The following KCNH1 variants were observed in gnomAD, a reference collection of about 807,000 sequenced individuals.
KCNH1 encodes voltage-gated delayed rectifier potassium channel KCNH1.
In KCNH1, 27 loss-of-function variants were observed where a neutral mutation model predicts 69.2. The ratio of observed to expected loss-of-function variants is 0.39; its 90% CI spans 0.29 to 0.54. The LOEUF is 0.54. KCNH1 is among the 20% of genes least tolerant of loss of function. The probability of loss-of-function intolerance (pLI) is 0.68; values close to 1 mark genes in which losing one functional copy is unlikely to be tolerated. For missense variants in KCNH1, 798 were observed against 1,261.6 expected (o/e 0.63, Z 5.57); for synonymous variants, 456 against 487.7 (o/e 0.93, Z 0.86).
intron 3 of KCNH1, 110 bp from the exon 4 acceptor site, chr1:211,090,800 G>A (rs112147851): frequency 8.8e-6 from 9 of 1,018,846 alleles, no homozygotes; most frequent in Non-Finnish European, 1.3e-5. Flanking sequence ...TTTTTTAAAT[G>A]GTCTTATTAA....
chr1:211,002,338 G>GTATA (rs112118983), intron 6 of KCNH1, among the ~76,000 whole-genome samples: 3 of 87,832 alleles, frequency 3.4e-5, no homozygotes, highest in East Asian at 2.2e-4. Flanking sequence ...GTGTGTGTGT[G>GTATA]TATATATATA....
intron 7 of KCNH1, among the ~76,000 whole-genome samples, chr1:210,810,606 C>A (rs556509603): frequency 1.4e-4 from 22 of 152,110 alleles, no homozygotes; most frequent in African/African-American, 5.1e-4. Flanking sequence ...AGCTTTTGCT[C>A]TTTTATTGAA....
At chr1:210,764,379 A>G (rs183068609) in intron 10 of KCNH1, among the ~76,000 whole-genome samples, 1 of 152,328 alleles carries the variant, frequency 6.6e-6, no homozygotes, top group East Asian at 1.9e-4. Context: ...GGGTCTAATT[A>G]AATGAAAGAG....
At chr1:210,946,422 T>A (rs1464142115) in intron 6 of KCNH1, among the ~76,000 whole-genome samples, 1 of 152,106 alleles carries the variant, frequency 6.6e-6, no homozygotes, top group African/African-American at 2.4e-5. Flanking sequence ...CCTTTCCCAT[T>A]TGCTTTACTC....
At chr1:210,903,007 A>T (rs903313304) in intron 7 of KCNH1, among the ~76,000 whole-genome samples, 6 of 152,080 alleles carry the variant, frequency 3.9e-5, no homozygotes, top group African/African-American at 1.4e-4. Context: ...TTTTGCTTTG[A>T]TTGTAGCTAG....
chr1:210,986,630 G>T (rs983541964), intron 6 of KCNH1, among the ~76,000 whole-genome samples: 1 of 152,164 alleles, frequency 6.6e-6, no homozygotes, highest in African/African-American at 2.4e-5. Flanking sequence ...CTTCTGGCTT[G>T]TAGAATTTCT....
intron 5 of KCNH1, among the ~76,000 whole-genome samples, chr1:211,073,787 T>C (rs776282215): frequency 2.6e-5 from 4 of 152,050 alleles, no homozygotes; most frequent in African/African-American, 4.8e-5. Context: ...AATAAGCTTC[T>C]GCTTTAGGAA....
At chr1:210,709,994 T>G (rs959907983) in intron 10 of KCNH1, among the ~76,000 whole-genome samples, 1 of 152,218 alleles carries the variant, frequency 6.6e-6, no homozygotes, top group African/African-American at 2.4e-5. Flanking sequence ...CAGGAATACA[T>G]TCTGATAAAT....
chr1:210,856,822 T>TA (rs56411029), intron 7 of KCNH1, among the ~76,000 whole-genome samples: 2 of 129,006 alleles, frequency 1.6e-5, no homozygotes, highest in African/African-American at 5.5e-5. Context: ...TTATATATAT[T>TA]TTATATATAA....
chr1:210,917,104 C>A (rs539546533), intron 7 of KCNH1, among the ~76,000 whole-genome samples: 15 of 151,680 alleles, frequency 9.9e-5, no homozygotes, highest in African/African-American at 3.6e-4. Flanking sequence ...GCCTATCATA[C>A]CACTGCACTG....
At chr1:210,890,976 CTG>C (rs763824251) in intron 7 of KCNH1, among the ~76,000 whole-genome samples, 19 of 152,128 alleles carry the variant, frequency 1.2e-4, no homozygotes, top group Non-Finnish European at 2.5e-4. Flanking sequence ...GTGGAAGACA[CTG>C]TGGCAATTCC....
chr1:211,129,714 C>T (rs1245085678), intron 1 of KCNH1, among the ~76,000 whole-genome samples: 2 of 152,158 alleles, frequency 1.3e-5, no homozygotes, highest in African/African-American at 4.8e-5. Context: ...ATAAATATTA[C>T]CATGGCTCAA....
At chr1:210,877,851 G>A (rs1221273223) in intron 7 of KCNH1, among the ~76,000 whole-genome samples, 1 of 152,074 alleles carries the variant, frequency 6.6e-6, no homozygotes, top group African/African-American at 2.4e-5. Context: ...TGATACATAG[G>A]TGATAATGAA....
chr1:211,024,304 G>C (rs11119663), intron 5 of KCNH1, among the ~76,000 whole-genome samples: 8,871 of 152,236 alleles, frequency 0.058, 324 homozygotes, highest in East Asian at 0.18. Context: ...TGTTTGAATT[G>C]AAACCTGAGT....
intron 4 of KCNH1, among the ~76,000 whole-genome samples, chr1:211,089,940 T>A (rs1413192141): frequency 6.6e-6 from 1 of 152,240 alleles, no homozygotes; most frequent in African/African-American, 2.4e-5. Context: ...AGCCATCTCC[T>A]TTCCTGGGTC....
chr1:210,950,343 A>G (rs796395253), intron 6 of KCNH1, among the ~76,000 whole-genome samples: 4 of 131,840 alleles, frequency 3.0e-5, no homozygotes, highest in African/African-American at 1.2e-4. Flanking sequence ...AGCATTAGGT[A>G]TATCTCCCAA....
intron 7 of KCNH1, among the ~76,000 whole-genome samples, chr1:210,917,019 G>A (rs6540635): frequency 0.49 from 74,769 of 151,332 alleles, 18,817 homozygotes; most frequent in South Asian, 0.56. Flanking sequence ...GTCATGGTGC[G>A]TGCCTATAAG....
intron 1 of KCNH1, among the ~76,000 whole-genome samples, chr1:211,114,686 C>T (rs1046299132): frequency 7.9e-5 from 12 of 152,128 alleles, no homozygotes; most frequent in African/African-American, 2.2e-4. Flanking sequence ...GCTAAAGTGA[C>T]GCGACACAGA....
At chr1:211,057,127 A>G (rs1429951317) in intron 5 of KCNH1, among the ~76,000 whole-genome samples, 3 of 152,232 alleles carry the variant, frequency 2.0e-5, no homozygotes, top group Non-Finnish European at 4.4e-5. Context: ...ACAAAATTCA[A>G]GATAACATAG....
Sources: allele counts gnomAD v4.1 joint callset (sites outside exome capture counted in the v4.1 genomes callset), GRCh38; gene constraint gnomAD v4.1.1; transcripts MANE v1.5; gene names NCBI Gene and HGNC (gene_info 2026-07-23, HGNC 2026-07-21).